The following CDK19 variants were observed in gnomAD, a reference collection of about 807,000 sequenced individuals.
The protein encoded by CDK19 is cyclin-dependent kinase 19.
Under a neutral mutation model 68.3 loss-of-function variants are expected in CDK19, and 20 were observed. That is an observed-to-expected ratio of 0.29 (90% CI 0.21 to 0.43). CDK19 has a LOEUF of 0.43. Ranked by LOEUF, CDK19 falls within the 20% of genes least tolerant of loss-of-function variation. The pLI is 1.00. For missense variants in CDK19, 339 were observed against 623.5 expected, an observed-to-expected ratio of 0.54 and a Z score of 4.86; for synonymous variants, 221 against 222.8, an observed-to-expected ratio of 0.99 and a Z score of 0.07.
At chr6:110,736,618 T>C (rs141643350) in intron 2 of CDK19, among the ~76,000 whole-genome samples, 23 of 152,344 alleles carry the variant, frequency 1.5e-4, no homozygotes, top group Non-Finnish European at 2.5e-4. Flanking sequence ...GTATCTTCTA[T>C]AAGAACACAT....
intron 1 of CDK19, among the ~76,000 whole-genome samples, chr6:110,795,033 G>A (rs1342752845): frequency 6.6e-6 from 1 of 152,056 alleles, no homozygotes; most frequent in Admixed American, 6.6e-5. Context: ...GCAGTGGTGC[G>A]ATCACAGCTC....
chr6:110,677,831 G>A (rs1008652851), intron 2 of CDK19, among the ~76,000 whole-genome samples: 2 of 152,146 alleles, frequency 1.3e-5, no homozygotes, highest in Non-Finnish European at 2.9e-5. Context: ...GGTTCTTGAA[G>A]ACAAATACAA....
intron 1 of CDK19, among the ~76,000 whole-genome samples, chr6:110,752,916 T>G (rs903157143): frequency 6.6e-6 from 1 of 151,970 alleles, no homozygotes; most frequent in East Asian, 1.9e-4. Flanking sequence ...GTTTTTTTTG[T>G]TTTTGGTTTT....
intron 2 of CDK19, among the ~76,000 whole-genome samples, chr6:110,731,125 G>GAA (rs1562240922): frequency 6.7e-6 from 1 of 149,916 alleles, no homozygotes; most frequent in African/African-American, 2.5e-5. Flanking sequence ...GAAAAGAAAA[G>GAA]AAAAGAAAAG....
At chr6:110,701,460 G>A (rs563353677) in intron 2 of CDK19, among the ~76,000 whole-genome samples, 9 of 150,858 alleles carry the variant, frequency 6.0e-5, no homozygotes, top group South Asian at 4.2e-4. Flanking sequence ...ACTGAGGCAG[G>A]AGAATGGCGT....
intron 2 of CDK19, among the ~76,000 whole-genome samples, chr6:110,708,983 G>T (rs987408099): frequency 3.9e-5 from 6 of 152,120 alleles, no homozygotes; most frequent in African/African-American, 1.4e-4. Flanking sequence ...TATCTACCAT[G>T]ATCAAGTCGG....
chr6:110,752,904 G>C (rs190447009), intron 1 of CDK19, among the ~76,000 whole-genome samples: 35 of 149,732 alleles, frequency 2.3e-4, no homozygotes, highest in Non-Finnish European at 3.7e-4. Context: ...TAGTTATCTC[G>C]GGTTTTTTTT....
chr6:110,636,275 A>G (rs1475252896), intron 5 of CDK19, among the ~76,000 whole-genome samples: 1 of 152,246 alleles, frequency 6.6e-6, no homozygotes, highest in Admixed American at 6.5e-5. Flanking sequence ...AGGGTGAGAG[A>G]TTAGACTCTG....
At position 110,610,141 on chromosome 6, in the gene CDK19, C is replaced by G. The variant is rs897966707; in HGVS notation, c.*4394G>C. ...CCTGCACTCCATGGAGCAGGCCTCG[C>G]TGGGGTGCAGCGGCTCTGAGCACAA... On this transcript the variant is annotated 3_prime_UTR_variant, in exon 13 of 13. Coordinates refer to ENST00000368911, the MANE Select transcript of CDK19 (RefSeq NM_015076.5). The G allele has an allele frequency of 6.6e-6, 1 of 152,214 alleles. No individual in the cohort carries two copies. Among genetic ancestry groups the G allele is most frequent in the African/African-American group, 2.4e-5 (1 of 41,442 alleles). 9.4% of individuals were successfully genotyped at this position (152,214 alleles called of 1,614,324 possible). A position where few individuals can be genotyped will look rare whatever the true frequency, so the allele number is the denominator to read the frequency against.
intron 2 of CDK19, among the ~76,000 whole-genome samples, chr6:110,705,023 TA>T (rs1774324290): frequency 6.6e-6 from 1 of 150,628 alleles, no homozygotes; most frequent in Non-Finnish European, 1.5e-5. Flanking sequence ...ATTACAGGTT[TA>T]AGGTGTGAAG....
intron 4 of CDK19, among the ~76,000 whole-genome samples, chr6:110,642,852 G>A (rs1398352490): frequency 2.0e-5 from 3 of 151,664 alleles, no homozygotes; most frequent in Non-Finnish European, 4.4e-5. Context: ...AAGGAAAGGG[G>A]GAAGAGGGAG....
intron 1 of CDK19, among the ~76,000 whole-genome samples, chr6:110,809,246 G>A (rs536489869): frequency 6.6e-6 from 1 of 151,850 alleles, no homozygotes; most frequent in African/African-American, 2.4e-5. Flanking sequence ...CAGGCACAGT[G>A]ACTCATGTCT....
intron 2 of CDK19, among the ~76,000 whole-genome samples, chr6:110,688,454 G>C (rs879789957): frequency 2.0e-5 from 3 of 151,988 alleles, no homozygotes; most frequent in Non-Finnish European, 4.4e-5. Context: ...GACTCACTCT[G>C]GGAACTTTTT....
chr6:110,787,580 G>A (rs1434031869), intron 1 of CDK19, among the ~76,000 whole-genome samples: 2 of 151,988 alleles, frequency 1.3e-5, no homozygotes, highest in Non-Finnish European at 2.9e-5. Context: ...ACAAGTAGCT[G>A]ACACTCTAGG....
chr6:110,620,472 T>C (rs541442022), intron 12 of CDK19, among the ~76,000 whole-genome samples: 3 of 152,200 alleles, frequency 2.0e-5, no homozygotes, highest in Non-Finnish European at 4.4e-5. Context: ...AAAATTTTTT[T>C]TTCAAAATTT....
chr6:110,715,114 C>T (rs1235664172), intron 2 of CDK19, among the ~76,000 whole-genome samples: 1 of 152,110 alleles, frequency 6.6e-6, no homozygotes, highest in South Asian at 2.1e-4. Context: ...ATCTATTAGG[C>T]AATCACCTTT....
At chr6:110,644,667 G>T (rs561556472) in intron 4 of CDK19, among the ~76,000 whole-genome samples, 12 of 152,124 alleles carry the variant, frequency 7.9e-5, no homozygotes, top group South Asian at 4.2e-4. Context: ...TCCCTCGCAG[G>T]CTGGAACCTC....
In CDK19 at chr6:110,806,941, G is replaced by A. The variant is rs139434726; in HGVS notation, c.128+8068C>T. 7.9e-3 allele frequency among the ~76,000 whole-genome samples: 1,193 copies of A among 151,638 alleles called. 24 individuals are homozygous for A. The highest frequency in any genetic ancestry group is 0.028 in the African/African-American group (1,141 of 41,282). On this transcript the variant is annotated intron_variant, in intron 1 of 12. Transcript: ENST00000368911. ...TGCAGTGAGCCAAGATCTTCCCACTGCACTCCAGCCTGGGTGACAGAGAAA... is the reference window on the plus strand; with the variant it reads ...TGCAGTGAGCCAAGATCTTCCCACTACACTCCAGCCTGGGTGACAGAGAAA...
chr6:110,641,095 C>T (rs1215611471), intron 4 of CDK19, among the ~76,000 whole-genome samples: 2 of 151,770 alleles, frequency 1.3e-5, no homozygotes, highest in Non-Finnish European at 2.9e-5. Context: ...GATTGGTTCA[C>T]CATACTAGAA....
Sources: gnomAD v4.1 joint callset for allele counts (sites outside exome capture counted in the v4.1 genomes callset) on GRCh38, gnomAD v4.1.1 for gene constraint, MANE v1.5 for transcripts, NCBI Gene and HGNC (gene_info 2026-07-23, HGNC 2026-07-21) for gene names.